The following CNTN1 variants were observed in gnomAD, a reference collection of about 807,000 sequenced individuals.
The protein encoded by CNTN1 is contactin 1, also known as contactin-1.
Under a neutral mutation model 126.4 loss-of-function variants are expected in CNTN1, and 38 were observed. The ratio of observed to expected loss-of-function variants is 0.30; its 90% CI spans 0.23 to 0.39. The LOEUF is 0.39. CNTN1 is among the 10% of genes least tolerant of loss of function. The pLI, the probability that CNTN1 is intolerant of heterozygous loss-of-function variation, is 1.00. For synonymous variants in CNTN1, 413 were observed against 422.6 expected (o/e 0.98, Z 0.28); for missense variants, 1,009 against 1,248.4 (o/e 0.81, Z 2.89).
chr12:40,836,609 A>C (rs1942068972), intron 1 of CNTN1, among the ~76,000 whole-genome samples: 2 of 152,180 alleles, frequency 1.3e-5, no homozygotes, highest in Admixed American at 1.3e-4. Flanking sequence ...TCTAACCAAA[A>C]TCAGGAGAGG....
chr12:41,047,073 A>G lies in CNTN1; in HGVS notation c.2980+17854A>G, dbSNP rs181266680. ...CAGAAGGCAGAAGCCATATGCCCCT[A>G]CCAAGATCTCCCCTTTGCATTCCCA... On this transcript the variant is annotated intron_variant, in intron 23 of 23. Coordinates refer to ENST00000551295, the MANE Select transcript of CNTN1 (RefSeq NM_001843.4). Among the ~76,000 whole-genome samples the G allele has an allele frequency of 5.1e-4, 78 of 151,902 alleles. 1 individual carries two copies. Among genetic ancestry groups the G allele is most frequent in the Non-Finnish European group, 1.0e-3 (70 of 67,928 alleles).
chr12:40,919,170 A>G (rs1460146924), intron 4 of CNTN1, among the ~76,000 whole-genome samples: 1 of 152,190 alleles, frequency 6.6e-6, no homozygotes, highest in Admixed American at 6.6e-5. Context: ...AAATTTTTAT[A>G]TTAAGTACAT....
At chr12:40,734,220 C>T (rs1327401907) in intron 1 of CNTN1, among the ~76,000 whole-genome samples, 1 of 152,052 alleles carries the variant, frequency 6.6e-6, no homozygotes, top group Admixed American at 6.6e-5. Flanking sequence ...AGCATAAGAA[C>T]TAATGATTAG....
At chr12:41,016,295 G>A (rs146771507) in intron 18 of CNTN1, among the ~76,000 whole-genome samples, 347 of 152,258 alleles carry the variant, frequency 2.3e-3, no homozygotes, top group African/African-American at 7.8e-3. Context: ...GGTAGGGTGC[G>A]GGACATGGAG....
intron 23 of CNTN1, among the ~76,000 whole-genome samples, chr12:41,057,140 ATATTT>A (rs1283907357): frequency 2.1e-5 from 3 of 142,748 alleles, no homozygotes; most frequent in Non-Finnish European, 4.6e-5. Context: ...TATAAATATT[ATATTT>A]AGATATTTAT....
intron 17 of CNTN1, among the ~76,000 whole-genome samples, chr12:40,993,801 T>C (rs2120511551): frequency 6.6e-6 from 1 of 152,268 alleles, no homozygotes; most frequent in South Asian, 2.1e-4. Flanking sequence ...AATTTTTTCC[T>C]AACATTTAAG....
chr12:40,694,219 CG>C (rs1941386815), intron 1 of CNTN1, among the ~76,000 whole-genome samples: 1 of 152,150 alleles, frequency 6.6e-6, no homozygotes. Context: ...AGAACCCTTG[CG>C]GGGGTAGATG....
Position 41,016,749 on chromosome 12 carries a change from G to T in CNTN1, c.2252G>T (p.Gly751Val). Residue 751 changes from glycine to valine, a missense_variant, in exon 19 of 24, where the codon GGA (glycine) becomes GTA (valine). Transcript: ENST00000551295. ...ATAGTGGCATTTAAGCCATTTGATG[G>T]AGAAGAATGGAAAAAAGTCACAGTT... is the stretch of plus-strand genomic sequence containing the variant. Reference protein sequence around the residue: ...GYIVAFKPFDGEEWKKVTVTN... With the variant: ...GYIVAFKPFDVEEWKKVTVTN... 6.2e-7 allele frequency: 1 copy of T among 1,614,114 alleles called. No individual in the cohort carries two copies. Among genetic ancestry groups the T allele is most frequent in the South Asian group, 1.1e-5 (1 of 91,080 alleles).
At chr12:40,779,952 A>G (rs1939727283) in intron 1 of CNTN1, among the ~76,000 whole-genome samples, 1 of 151,908 alleles carries the variant, frequency 6.6e-6, no homozygotes, top group African/African-American at 2.4e-5. Context: ...AAATCTCCCC[A>G]AACAGGTGTC....
intron 1 of CNTN1, among the ~76,000 whole-genome samples, chr12:40,704,176 G>A (rs1941674990): frequency 6.6e-6 from 1 of 152,118 alleles, no homozygotes; most frequent in Admixed American, 6.5e-5. Context: ...TTAAAGAAAG[G>A]CAGTGATTTA....
intron 1 of CNTN1, among the ~76,000 whole-genome samples, chr12:40,833,563 C>CT (rs1565802608): frequency 1.2e-5 from 1 of 85,130 alleles, no homozygotes; most frequent in African/African-American, 5.6e-5. Flanking sequence ...TTAGCCAAGT[C>CT]TTTTTTCTTA....
chr12:40,781,104 C>T (rs554281011), intron 1 of CNTN1, among the ~76,000 whole-genome samples: 2 of 151,804 alleles, frequency 1.3e-5, no homozygotes, highest in South Asian at 2.1e-4. Flanking sequence ...AAATATAAGA[C>T]CCTCGAAATG....
At chr12:40,979,136 T>C (rs1220983499) in intron 15 of CNTN1, 1 of 151,380 alleles carries the variant, frequency 6.6e-6, no homozygotes, top group East Asian at 1.9e-4. Flanking sequence ...TTTTCAATTA[T>C]TTAACATTAA....
chr12:40,987,361 A>G (rs1247233411), intron 16 of CNTN1, among the ~76,000 whole-genome samples: 1 of 152,218 alleles, frequency 6.6e-6, no homozygotes, highest in African/African-American at 2.4e-5. Context: ...TGTAAATTTT[A>G]CTTCTCTTGG....
intron 14 of CNTN1, among the ~76,000 whole-genome samples, chr12:40,950,100 GTGTGTGTGTGTGTGTGTGTGTGTGTGTGT>G (rs1946613965): frequency 1.3e-4 from 1 of 7,588 alleles, no homozygotes; most frequent in East Asian, 1.1e-3. Flanking sequence ...TTGAGAGGGT[GTGTGTGTGTGTGTGTGTGTGTGTGTGTGT>G]GTGTGTGTGT....
chr12:40,962,818 A>G (rs1947153332), intron 15 of CNTN1, among the ~76,000 whole-genome samples: 1 of 152,088 alleles, frequency 6.6e-6, no homozygotes, highest in African/African-American at 2.4e-5. Context: ...ATGAGATTGT[A>G]TTGACCATGT....
intron 23 of CNTN1, among the ~76,000 whole-genome samples, chr12:41,055,181 A>C (rs769064316): frequency 1.4e-4 from 21 of 152,150 alleles, no homozygotes; most frequent in Admixed American, 2.0e-4. Flanking sequence ...TGAATTAATG[A>C]AATGGAAATT....
chr12:40,898,681 T>A (rs1181349804), intron 1 of CNTN1, among the ~76,000 whole-genome samples: 1 of 152,186 alleles, frequency 6.6e-6, no homozygotes, highest in East Asian at 1.9e-4. Flanking sequence ...AATGATTACA[T>A]CATGCTCCCA....
At chr12:41,041,618 T>C (rs1032967336) in intron 23 of CNTN1, among the ~76,000 whole-genome samples, 6 of 152,148 alleles carry the variant, frequency 3.9e-5, no homozygotes, top group African/African-American at 1.2e-4. Context: ...ATTCAGAGAG[T>C]CAACTTCGTC....
Sources: gnomAD v4.1 joint callset for allele counts (sites outside exome capture counted in the v4.1 genomes callset) on GRCh38, gnomAD v4.1.1 for gene constraint, MANE v1.5 for transcripts, NCBI Gene and HGNC (gene_info 2026-07-23, HGNC 2026-07-21) for gene names.